PLEKHB2: variants seen among roughly 807,000 people sequenced by gnomAD.
PLEKHB2 encodes pleckstrin homology domain containing B2.
Under a neutral mutation model 36.5 loss-of-function variants are expected in PLEKHB2, and 31 were observed. The ratio of observed to expected loss-of-function variants is 0.85; its 90% confidence interval spans 0.64 to 1.15. The LOEUF (loss-of-function observed/expected upper bound fraction) is 1.15, where lower values mean the gene tolerates loss of function less well. PLEKHB2 is among the 50% of genes most tolerant of loss of function. PLEKHB2 has a pLI of 0.00. For synonymous variants in PLEKHB2, 119 were observed against 112.0 expected (o/e 1.06, Z -0.39); for missense variants, 262 against 295.3 (o/e 0.89, Z 0.83).
At chr2:131,105,728 G>C (rs1351476769) in intron 1 of PLEKHB2, among the ~76,000 whole-genome samples, 1 of 152,044 alleles carries the variant, frequency 6.6e-6, no homozygotes, top group Non-Finnish European at 1.5e-5. Context: ...CTTTCCCCGA[G>C]CCCCTCCTCT....
Position 131,120,988 on chromosome 2 carries a change from G to C in PLEKHB2, c.37+10G>C. ...TGGTTGCTGCGACAGAGTGAGTACA[G>C]GATGTGCGGTCTGCGATCGGCATTG... is the stretch of plus-strand genomic sequence containing the variant. On this transcript the variant is annotated intron_variant, in intron 2 of 7. Transcript: ENST00000693505. 6.2e-7 allele frequency: 1 copy of C among 1,613,498 alleles called. No homozygotes were observed. Among genetic ancestry groups the C allele is most frequent in the Non-Finnish European group, 8.5e-7 (1 of 1,179,458 alleles).
intron 2 of PLEKHB2, among the ~76,000 whole-genome samples, chr2:131,123,443 T>G (rs1696729406): frequency 6.6e-6 from 1 of 152,190 alleles, no homozygotes; most frequent in African/African-American, 2.4e-5. Flanking sequence ...AGCCAGGGCT[T>G]TGATGGCAGG....
intron 1 of PLEKHB2, chr2:131,118,877 A>G (rs1696167215): frequency 7.0e-6 from 1 of 141,978 alleles, no homozygotes; most frequent in Non-Finnish European, 1.5e-5. Context: ...CAAAAAAAAA[A>G]AAAAAAAAAA....
At chr2:131,112,869 G>C (rs1306567351) in intron 1 of PLEKHB2, among the ~76,000 whole-genome samples, 1 of 152,036 alleles carries the variant, frequency 6.6e-6, no homozygotes, top group Non-Finnish European at 1.5e-5. Flanking sequence ...TCTAAATTTT[G>C]CCGGCTTTAT....
chr2:131,123,516 C>G (rs1282027358), intron 2 of PLEKHB2, among the ~76,000 whole-genome samples: 2 of 152,138 alleles, frequency 1.3e-5, no homozygotes, highest in East Asian at 3.8e-4. Context: ...TTCTGTGGCT[C>G]TATTTAGTAG....
chr2:131,117,416 G>GAAAC (rs1035373482), intron 1 of PLEKHB2, among the ~76,000 whole-genome samples: 2 of 152,138 alleles, frequency 1.3e-5, no homozygotes, highest in Non-Finnish European at 2.9e-5. Flanking sequence ...CACAAACAAA[G>GAAAC]AAACAAACAA....
At chr2:131,122,591 A>G (rs1043362751) in intron 2 of PLEKHB2, among the ~76,000 whole-genome samples, 10 of 152,160 alleles carry the variant, frequency 6.6e-5, no homozygotes, top group Non-Finnish European at 1.5e-4. Flanking sequence ...AGAAATTGAG[A>G]TTCAGTGAGG....
At chr2:131,144,794 C>T (rs1350849820) in intron 7 of PLEKHB2, among the ~76,000 whole-genome samples, 1 of 152,222 alleles carries the variant, frequency 6.6e-6, no homozygotes, top group Non-Finnish European at 1.5e-5. Context: ...CTCAGCATGA[C>T]TTGCAGGGGC....
chr2:131,137,244 G>GC (rs1559099163), intron 6 of PLEKHB2, among the ~76,000 whole-genome samples: 1 of 152,186 alleles, frequency 6.6e-6, no homozygotes, highest in Non-Finnish European at 1.5e-5. Flanking sequence ...ACTGTGCCCG[G>GC]CCTCTTTTTA....
intron 6 of PLEKHB2, among the ~76,000 whole-genome samples, chr2:131,138,971 G>C (rs1220739624): frequency 2.6e-5 from 4 of 152,172 alleles, no homozygotes; most frequent in Admixed American, 6.5e-5. Flanking sequence ...GCAGTGCCTT[G>C]CTATTTGGCC....
At chr2:131,138,993 G>C (rs1285127325) in intron 6 of PLEKHB2, among the ~76,000 whole-genome samples, 1 of 152,210 alleles carries the variant, frequency 6.6e-6, no homozygotes, top group East Asian at 1.9e-4. Flanking sequence ...GCTGAGCATG[G>C]AAATTCAGGC....
intron 1 of PLEKHB2, among the ~76,000 whole-genome samples, chr2:131,114,564 C>T (rs1695664277): frequency 6.6e-6 from 1 of 152,156 alleles, no homozygotes; most frequent in Non-Finnish European, 1.5e-5. Context: ...GCAAATTTTC[C>T]AAACTTTTAT....
rs773877279 is a variant in PLEKHB2 at position 131,147,960 on chromosome 2, G to C, written c.*1187G>C. The C allele has an allele frequency of 6.6e-6, 1 of 152,356 alleles. No individual in the cohort carries two copies. The highest frequency in any genetic ancestry group is 1.5e-5 in the Non-Finnish European group (1 of 68,180). 9.4% of individuals were successfully genotyped at this position (152,356 alleles called of 1,614,324 possible). A position where few individuals can be genotyped will look rare whatever the true frequency, so the allele number is the denominator to read the frequency against. ...GAGAGTAATATTAAAGGAACAGTGA[G>C]GGAGTGGAAGGAGAGCCTTAGTTAG... On this transcript the variant is annotated 3_prime_UTR_variant, in exon 8 of 8. Coordinates refer to ENST00000693505, the MANE Select transcript of PLEKHB2 (RefSeq NM_001100623.2).
rs1697687227 is a variant in PLEKHB2, at chr2:131,131,574, TTATTA to T, written c.333+815_333+819del. On this transcript the variant is annotated intron_variant, in intron 5 of 7. Coordinates refer to ENST00000693505, the MANE Select transcript of PLEKHB2 (RefSeq NM_001100623.2). ...TCTTTAGATGGGATTTTTCTCTCCT[TTATTA>T]ATCTGTAAGAAAAGAAGAAGGTGGA... Among the ~76,000 whole-genome samples the T allele has an allele frequency of 2.0e-5, 3 of 152,044 alleles. No homozygotes were observed. In the South Asian group the frequency reaches 6.2e-4, roughly 32 times the overall value.
intron 7 of PLEKHB2, among the ~76,000 whole-genome samples, chr2:131,141,529 AC>A (rs1698783084): frequency 6.6e-6 from 1 of 150,776 alleles, no homozygotes; most frequent in Non-Finnish European, 1.5e-5. Context: ...AGTTCCAGCT[AC>A]TCGGGAGGCT....
chr2:131,105,627 C>G (rs962339777), intron 1 of PLEKHB2, among the ~76,000 whole-genome samples: 18 of 152,078 alleles, frequency 1.2e-4, no homozygotes, highest in African/African-American at 4.3e-4. Context: ...TCTCAGTCTC[C>G]CCTAGAGCAG....
intron 1 of PLEKHB2, among the ~76,000 whole-genome samples, chr2:131,112,536 A>G (rs1406589557): frequency 6.6e-6 from 1 of 152,200 alleles, no homozygotes; most frequent in Admixed American, 6.5e-5. Flanking sequence ...GAGGACAGCA[A>G]CCTGGGAAGC....
At chr2:131,111,151 C>T (rs1246957527) in intron 1 of PLEKHB2, among the ~76,000 whole-genome samples, 5 of 151,388 alleles carry the variant, frequency 3.3e-5, no homozygotes, top group Admixed American at 6.6e-5. Context: ...ACTACAAGTG[C>T]GTGCCACCAT....
intron 1 of PLEKHB2, among the ~76,000 whole-genome samples, chr2:131,115,543 C>T (rs570762096): frequency 4.0e-5 from 6 of 151,622 alleles, no homozygotes; most frequent in South Asian, 2.1e-4. Flanking sequence ...TTAGTAGAGA[C>T]GGGGTTTCAC....
Sources: allele counts gnomAD v4.1 joint callset (sites outside exome capture counted in the v4.1 genomes callset), GRCh38; gene constraint gnomAD v4.1.1; transcripts MANE v1.5; gene names NCBI Gene and HGNC (gene_info 2026-07-23, HGNC 2026-07-21).